The following PCDHA13 variants were observed in gnomAD, a reference collection of about 807,000 sequenced individuals.
The protein encoded by PCDHA13 is protocadherin alpha-13.
A neutral mutation model predicts 64.8 loss-of-function variants in PCDHA13; 54 were observed. That is an observed-to-expected ratio of 0.83 (90% CI 0.67 to 1.04). PCDHA13 has a LOEUF of 1.04. PCDHA13 is among the 50% of genes least tolerant of loss of function. The pLI, the probability that PCDHA13 is intolerant of heterozygous loss-of-function variation, is 0.00. For missense variants in PCDHA13, 1,248 were observed against 1,254.3 expected, an observed-to-expected ratio of 0.99 and a Z score of 0.08; for synonymous variants, 587 against 564.4, an observed-to-expected ratio of 1.04 and a Z score of -0.57.
intron 1 of PCDHA13, among the ~76,000 whole-genome samples, chr5:140,916,951 G>A (rs1197063390): frequency 6.6e-6 from 1 of 152,210 alleles, no homozygotes; most frequent in Non-Finnish European, 1.5e-5. Context: ...GAGGCTTGCT[G>A]AGTTCTGACT....
intron 1 of PCDHA13, chr5:140,928,484 G>A (rs1371678688): frequency 1.5e-5 from 25 of 1,614,026 alleles, no homozygotes; most frequent in African/African-American, 4.0e-5. Context: ...CGGGATGGTG[G>A]CATTCCTCCC....
intron 1 of PCDHA13, chr5:140,929,210 G>C (rs782078369): frequency 1.9e-6 from 3 of 1,614,070 alleles, no homozygotes; most frequent in Non-Finnish European, 2.5e-6. Context: ...CTGTTGCGTG[G>C]GGAGTACAAT....
chr5:140,961,255 C>G (rs1446798989), intron 1 of PCDHA13, among the ~76,000 whole-genome samples: 1 of 152,164 alleles, frequency 6.6e-6, no homozygotes, highest in African/African-American at 2.4e-5. Context: ...TCCGAAGCTC[C>G]AGGAAGCTTC....
In PCDHA13 at chr5:141,011,378, C is replaced by T. The variant is rs1419825590; in HGVS notation, c.*1441C>T. 1 of 153,742 alleles carries T rather than the reference C, an allele frequency of 6.5e-6. No individual in the cohort carries two copies. Among genetic ancestry groups the T allele is most frequent in the African/African-American group, 2.4e-5 (1 of 41,460 alleles). The allele number at this position is 153,742 out of a possible 1,614,324, so 9.5% of individuals were successfully genotyped here. Reference sequence around the variant, plus strand: ...ATGTATGCTGTATGCTATGCTAAGACTCCTGAAATATACTTACTCTGTGCT... The same window carrying T: ...ATGTATGCTGTATGCTATGCTAAGATTCCTGAAATATACTTACTCTGTGCT... On this transcript the variant is annotated 3_prime_UTR_variant, in exon 4 of 4. Coordinates refer to ENST00000289272, the MANE Select transcript of PCDHA13 (RefSeq NM_018904.3).
rs1304262646 is a variant in PCDHA13, at chr5:140,884,667, G to A, written c.2394+5G>A. 4 of 1,568,684 alleles carry A rather than the reference G, an allele frequency of 2.5e-6. No individual in the cohort carries two copies. Among genetic ancestry groups the A allele is most frequent in the Non-Finnish European group, 2.6e-6 (3 of 1,158,890 alleles). ...GACTCAGAATGCTTGAAAGAGGTAAGCTTATATTTTAAAAAATTGTCTTAG... is the reference window on the plus strand; with the variant it reads ...GACTCAGAATGCTTGAAAGAGGTAAACTTATATTTTAAAAAATTGTCTTAG... On this transcript the variant is annotated splice_donor_5th_base_variant and intron_variant, in intron 1 of 3. Transcript: ENST00000289272.
At chr5:140,907,846 C>T (rs2073638181) in intron 1 of PCDHA13, among the ~76,000 whole-genome samples, 1 of 152,246 alleles carries the variant, frequency 6.6e-6, no homozygotes, top group Admixed American at 6.5e-5. Flanking sequence ...TTAAAATCCT[C>T]CTCTGCTGAG....
At chr5:140,983,771 A>G (rs963720761) in intron 3 of PCDHA13, among the ~76,000 whole-genome samples, 2 of 152,222 alleles carry the variant, frequency 1.3e-5, no homozygotes, top group Admixed American at 6.5e-5. Flanking sequence ...ATACATATCT[A>G]CATACATAAC....
chr5:140,979,175 AAT>A, intron 2 of PCDHA13, 168 bp downstream of exon 2: 3 of 951,630 alleles, frequency 3.2e-6, no homozygotes, highest in Non-Finnish European at 3.8e-6. Flanking sequence ...AAAGATCGCA[AAT>A]GGTCAGTGCC....
Position 140,883,240 on chromosome 5 carries a change from C to G in PCDHA13, c.972C>G (p.Asp324Glu). ...KLYEISVEAV[D>E]KGNIPMAGHC... ...ATGAAATATCCGTGGAGGCAGTTGA[C>G]AAAGGAAATATTCCAATGGCGGGTC... The change falls in exon 1 of 4, where the codon GAC becomes GAG. Residue 324 changes from aspartate (D) to glutamate (E), a missense_variant. Asp to Glu is a conservative substitution (Grantham distance 45, BLOSUM62 2). Coordinates refer to ENST00000289272, the MANE Select transcript of PCDHA13 (RefSeq NM_018904.3). 6.2e-7 allele frequency: 1 copy of G among 1,613,998 alleles called. No individual in the cohort carries two copies. Among genetic ancestry groups the G allele is most frequent in the Non-Finnish European group, 8.5e-7 (1 of 1,180,008 alleles).
At chr5:140,911,614 G>C (rs1298073663) in intron 1 of PCDHA13, among the ~76,000 whole-genome samples, 1 of 152,152 alleles carries the variant, frequency 6.6e-6, no homozygotes, top group Non-Finnish European at 1.5e-5. Flanking sequence ...ATGTTCCTTA[G>C]TTCCCCACAT....
At position 140,884,782 on chromosome 5, in the gene PCDHA13, A is replaced by T. The variant is rs2060354278; in HGVS notation, c.2394+120A>T. ...TCTTTACTTTAATTTTAATTTTGCTAGTTGTTATCGAATTTAACAACTCTG... is the reference window on the plus strand; with the variant it reads ...TCTTTACTTTAATTTTAATTTTGCTTGTTGTTATCGAATTTAACAACTCTG... On this transcript the variant is annotated intron_variant, in intron 1 of 3. Coordinates refer to ENST00000289272, the MANE Select transcript of PCDHA13 (RefSeq NM_018904.3). 8 of 1,395,472 alleles carry T rather than the reference A, an allele frequency of 5.7e-6. 1 individual carries two copies. The highest frequency in any genetic ancestry group is 3.3e-5 in the South Asian group (2 of 60,762). 86.4% of individuals were successfully genotyped at this position (1,395,472 alleles called of 1,614,324 possible). A position where few individuals can be genotyped will look rare whatever the true frequency, so the allele number is the denominator to read the frequency against.
At chr5:140,931,662 T>C (rs905670675) in intron 1 of PCDHA13, among the ~76,000 whole-genome samples, 2 of 152,028 alleles carry the variant, frequency 1.3e-5, no homozygotes, top group Non-Finnish European at 2.9e-5. Context: ...GTGGGCTGGA[T>C]ATTTCCTTAT....
In PCDHA13 at chr5:141,009,782, C is replaced by G; in HGVS notation, c.2698C>G (p.Arg900Gly). ...AGGATCTCCTGCAATCATCTCCATC[C>G]GGCAGGAGCCTACTAACAGCCAAAT... ...IPGSPAIISI[R>G]QEPTNSQIDK... Residue 900 changes from arginine to glycine, a missense_variant, in exon 4 of 4, where the codon CGG becomes GGG. By Grantham distance (125) the Arg-to-Gly change is moderately radical. Transcript: ENST00000289272. 1.2e-6 allele frequency: 2 copies of G among 1,614,074 alleles called. No homozygotes were observed. Among genetic ancestry groups the G allele is most frequent in the Non-Finnish European group, 1.7e-6 (2 of 1,180,012 alleles).
intron 1 of PCDHA13, among the ~76,000 whole-genome samples, chr5:140,961,995 TG>T (rs2095649493): frequency 1.3e-5 from 2 of 152,062 alleles, no homozygotes; most frequent in African/African-American, 4.8e-5. Flanking sequence ...GCCATTGTCC[TG>T]CCTCAGCTTC....
chr5:141,009,290 A>G (rs1372878338), intron 3 of PCDHA13, among the ~76,000 whole-genome samples: 1 of 152,118 alleles, frequency 6.6e-6, no homozygotes, highest in Non-Finnish European at 1.5e-5. Context: ...TCCCATTTCT[A>G]TAAAATTTTT....
chr5:140,941,461 G>A (rs1202773112), intron 1 of PCDHA13, among the ~76,000 whole-genome samples: 7 of 150,524 alleles, frequency 4.7e-5, no homozygotes, highest in Non-Finnish European at 7.4e-5. Context: ...GATTACAGGC[G>A]CCCACCACCA....
At chr5:140,885,270 A>G (rs251381) in intron 1 of PCDHA13, among the ~76,000 whole-genome samples, 102,023 of 151,894 alleles carry the variant, frequency 0.67, 34,437 homozygotes, top group Middle Eastern at 0.71. Flanking sequence ...ACTCATACAT[A>G]TATATATACA....
rs2086142013 is a variant in PCDHA13, at chr5:140,929,415, C to T, written c.2394+44753C>T. 11 of 1,504,150 alleles carry T rather than the reference C, an allele frequency of 7.3e-6. 1 individual carries two copies. In the South Asian group the frequency reaches 1.2e-4, roughly 17 times the overall value. 93.2% of individuals were successfully genotyped at this position (1,504,150 alleles called of 1,614,324 possible). A position where few individuals can be genotyped will look rare whatever the true frequency, so the allele number is the denominator to read the frequency against. On this transcript the variant is annotated intron_variant, in intron 1 of 3. Coordinates refer to ENST00000289272, the MANE Select transcript of PCDHA13 (RefSeq NM_018904.3). The stretch of plus-strand genomic sequence containing the variant: ...TATTTCTTAGACAAGCCTTTCACAA[C>T]ATTTCATCAATTGAACTAAACACTC...
At chr5:140,913,808 A>T (rs1332519291) in intron 1 of PCDHA13, among the ~76,000 whole-genome samples, 1 of 152,102 alleles carries the variant, frequency 6.6e-6, no homozygotes, top group Non-Finnish European at 1.5e-5. Context: ...TCAAATTTTC[A>T]ATTTCCTTTT....
Sources: allele counts gnomAD v4.1 joint callset (sites outside exome capture counted in the v4.1 genomes callset), GRCh38; gene constraint gnomAD v4.1.1; transcripts MANE v1.5; gene names NCBI Gene and HGNC (gene_info 2026-07-23, HGNC 2026-07-21).